The following FAAH2 variants were observed in gnomAD, a reference collection of about 807,000 sequenced individuals.
FAAH2 encodes the protein fatty acid amide hydrolase 2.
Under a neutral mutation model 36.9 loss-of-function variants are expected in FAAH2, and 60 were observed. That is an observed-to-expected ratio of 1.63 (90% CI 1.32 to 2.02). The LOEUF (loss-of-function observed/expected upper bound fraction) is 2.02, where lower values mean the gene tolerates loss of function less well. FAAH2 is among the 30% of genes most tolerant of loss of function. The pLI is 0.00. For synonymous variants in FAAH2, 214 were observed against 143.8 expected, an observed-to-expected ratio of 1.49 and a Z score of -3.49; for missense variants, 689 against 397.5, an observed-to-expected ratio of 1.73 and a Z score of -6.23.
At chrX:57,209,702 A>G in the FAAH2 span, among the ~76,000 whole-genome samples, 28 of 111,660 alleles carry the variant, frequency 2.5e-4, no homozygotes, top group African/African-American at 4.5e-4. Flanking sequence ...TCAGTAGGTC[A>G]TCTGCGCCAC....
intron 8 of FAAH2, among the ~76,000 whole-genome samples, chrX:57,442,187 C>T (rs773385610): frequency 1.8e-5 from 2 of 110,874 alleles, no homozygotes; most frequent in South Asian, 7.6e-4. Context: ...TCTCACTGAT[C>T]TGTCTAATGT....
the FAAH2 span, among the ~76,000 whole-genome samples, chrX:57,280,105 C>T: frequency 6.3e-5 from 7 of 111,755 alleles, no homozygotes; most frequent in African/African-American, 2.3e-4. Context: ...CTTATGTATG[C>T]ATGTGTATAT....
At chrX:57,439,873 T>G (rs781711124) in intron 8 of FAAH2, among the ~76,000 whole-genome samples, 38 of 111,879 alleles carry the variant, frequency 3.4e-4, no homozygotes, top group African/African-American at 1.0e-3. Context: ...TTTCCCCATT[T>G]CTTGTTTTTG....
At position 57,488,779 on chromosome X, in the gene FAAH2, G is replaced by A. The variant is rs759312812; in HGVS notation, c.1446G>A (p.Leu482=). ...CAGGTGTCTTCAGTGCCCTGGGTTTGCCTGTGACCCAATGCCCACTGGGAC... is the reference window on the plus strand; with the variant it reads ...CAGGTGTCTTCAGTGCCCTGGGTTTACCTGTGACCCAATGCCCACTGGGAC... ...AYTGVFSALG[L]PVTQCPLGLN... is the part of the protein sequence containing the mutation. Residue 482 remains leucine (L), a synonymous_variant, in exon 11 of 11, where the codon TTG becomes TTA. Transcript: ENST00000374900. 8.3e-7 allele frequency: 1 copy of A among 1,208,751 alleles called. No homozygotes were observed.
intron 4 of FAAH2, among the ~76,000 whole-genome samples, chrX:57,335,699 C>G (rs779049161): frequency 9.0e-6 from 1 of 111,551 alleles, no homozygotes; most frequent in African/African-American, 3.3e-5. Flanking sequence ...CAGCACAGAC[C>G]GTTTACGGGT....
At chrX:57,487,470 C>T (rs894719617) in intron 10 of FAAH2, among the ~76,000 whole-genome samples, 1 of 111,569 alleles carries the variant, frequency 9.0e-6, no homozygotes, top group Non-Finnish European at 1.9e-5. Flanking sequence ...CAATGGATTT[C>T]AATAGATATT....
intron 5 of FAAH2, among the ~76,000 whole-genome samples, chrX:57,367,517 C>T (rs1191274674): frequency 8.9e-6 from 1 of 112,303 alleles, no homozygotes; most frequent in Non-Finnish European, 1.9e-5. Context: ...TCATACTTTT[C>T]CCTCTCATAA....
intron 5 of FAAH2, among the ~76,000 whole-genome samples, chrX:57,345,578 C>G (rs777692672): frequency 2.8e-4 from 31 of 110,581 alleles, no homozygotes; most frequent in African/African-American, 9.5e-4. Flanking sequence ...AAAAAAGAGA[C>G]TCTTGGTTAA....
At chrX:57,157,293 G>A in the FAAH2 span, among the ~76,000 whole-genome samples, 12 of 111,798 alleles carry the variant, frequency 1.1e-4, no homozygotes, top group African/African-American at 3.9e-4. Flanking sequence ...CCAGCAGAAT[G>A]CACCCAATGA....
the FAAH2 span, among the ~76,000 whole-genome samples, chrX:57,253,745 C>T: frequency 8.1e-5 from 9 of 111,386 alleles, no homozygotes; most frequent in South Asian, 3.4e-3. Context: ...ACAAGGCCTG[C>T]CTCACAGGAG....
At chrX:57,339,786 T>A (rs897052026) in intron 4 of FAAH2, among the ~76,000 whole-genome samples, 3 of 111,917 alleles carry the variant, frequency 2.7e-5, no homozygotes, top group Non-Finnish European at 3.8e-5. Context: ...AAGGAATGTT[T>A]TACACAGTTG....
intron 4 of FAAH2, among the ~76,000 whole-genome samples, chrX:57,332,343 A>G (rs1220430918): frequency 8.9e-6 from 1 of 112,365 alleles, no homozygotes; most frequent in Non-Finnish European, 1.9e-5. Flanking sequence ...TTTAAGTGTG[A>G]CTTCAGGTTT....
At chrX:57,147,262 G>A in the FAAH2 span, among the ~76,000 whole-genome samples, 1 of 111,431 alleles carries the variant, frequency 9.0e-6, no homozygotes, top group Non-Finnish European at 1.9e-5. Flanking sequence ...TCTGTTCAGG[G>A]TTTCTAATTC....
chrX:57,229,925 A>G, the FAAH2 span, among the ~76,000 whole-genome samples: 2 of 111,799 alleles, frequency 1.8e-5, no homozygotes, highest in African/African-American at 6.5e-5. Context: ...GATTTCATAT[A>G]AACTAGGTAT....
chrX:57,362,157 G>A (rs2054301025), intron 5 of FAAH2, among the ~76,000 whole-genome samples: 1 of 110,941 alleles, frequency 9.0e-6, no homozygotes, highest in Non-Finnish European at 1.9e-5. Context: ...ATACATCATG[G>A]AATACTATGC....
the FAAH2 span, among the ~76,000 whole-genome samples, chrX:57,268,158 CA>C: frequency 1.8e-5 from 2 of 111,835 alleles, no homozygotes; most frequent in African/African-American, 6.5e-5. Flanking sequence ...CGAACATAAC[CA>C]ACCTGATAGA....
At chrX:57,155,460 G>A in the FAAH2 span, among the ~76,000 whole-genome samples, 1 of 111,584 alleles carries the variant, frequency 9.0e-6, no homozygotes, top group African/African-American at 3.3e-5. Context: ...GGCAGTTAGA[G>A]GCCTCACCCA....
At chrX:57,467,808 G>A (rs1184629500) in intron 10 of FAAH2, among the ~76,000 whole-genome samples, 1 of 111,746 alleles carries the variant, frequency 8.9e-6, no homozygotes, top group East Asian at 2.8e-4. Flanking sequence ...TCCTCAAGTG[G>A]GTCCCTGACC....
chrX:57,134,447 T>C, the FAAH2 span: 1 of 111,234 alleles, frequency 9.0e-6, no homozygotes, highest in African/African-American at 3.3e-5. Flanking sequence ...AGCAGGTTTC[T>C]TTTAGTGGAT....
Sources: allele counts gnomAD v4.1 joint callset (sites outside exome capture counted in the v4.1 genomes callset), GRCh38; gene constraint gnomAD v4.1.1; transcripts MANE v1.5; gene names NCBI Gene and HGNC (gene_info 2026-07-23, HGNC 2026-07-21).